The following TFEC variants were observed in gnomAD, a reference collection of about 807,000 sequenced individuals.
The protein encoded by TFEC is transcription factor EC.
A neutral mutation model predicts 41.6 loss-of-function variants in TFEC; 31 were observed. The ratio of observed to expected loss-of-function variants is 0.74; its 90% CI spans 0.56 to 1.01. TFEC has a LOEUF of 1.01. TFEC is among the 50% of genes least tolerant of loss of function. TFEC has a pLI of 0.00. For synonymous variants in TFEC, 143 were observed against 140.6 expected (o/e 1.02, Z -0.12); for missense variants, 402 against 404.1 (o/e 0.99, Z 0.04).
intron 2 of TFEC, among the ~76,000 whole-genome samples, chr7:115,975,886 G>A (rs1313966167): frequency 6.6e-6 from 1 of 152,134 alleles, no homozygotes; most frequent in African/African-American, 2.4e-5. Context: ...AGAGCAGAGT[G>A]CGCAAAGGCA....
intron 1 of TFEC, among the ~76,000 whole-genome samples, chr7:116,153,546 C>T (rs898802632): frequency 1.3e-5 from 2 of 152,126 alleles, no homozygotes; most frequent in African/African-American, 2.4e-5. Flanking sequence ...GCCACCGTGC[C>T]CAGCTGGCTA....
At chr7:115,948,192 T>A (rs1008426441) in intron 6 of TFEC, among the ~76,000 whole-genome samples, 1 of 151,720 alleles carries the variant, frequency 6.6e-6, no homozygotes, top group Admixed American at 6.6e-5. Flanking sequence ...GAGCTGAAAT[T>A]GTGGCAATAA....
intron 1 of TFEC, among the ~76,000 whole-genome samples, chr7:115,988,846 G>GA (rs371888260): frequency 3.3e-5 from 5 of 151,562 alleles, no homozygotes; most frequent in Admixed American, 1.3e-4. Flanking sequence ...AAAAACTCTG[G>GA]AAAAAAAATC....
intron 1 of TFEC, among the ~76,000 whole-genome samples, chr7:116,015,011 T>A (rs1363409337): frequency 6.6e-6 from 1 of 151,968 alleles, no homozygotes; most frequent in African/African-American, 2.4e-5. Context: ...GATAATAAAT[T>A]TGTGTTGTTT....
Position 116,048,802 on chromosome 7 carries a change from C to G in TFEC, c.198+61906G>C, listed in dbSNP as rs184836856. Reference sequence around the variant, plus strand: ...GATCTCTCAGCAGAAACTCTACAAGCCAGAAGAGAGTGGGGGCCAATATTC... The same window carrying G: ...GATCTCTCAGCAGAAACTCTACAAGGCAGAAGAGAGTGGGGGCCAATATTC... On this transcript the variant is annotated intron_variant, in intron 3 of 8. Transcript: ENST00000484212. 1.2e-3 allele frequency among the ~76,000 whole-genome samples: 176 copies of G among 152,298 alleles called. 1 individual carries two copies. Among genetic ancestry groups the G allele is most frequent in the African/African-American group, 4.0e-3 (168 of 41,568 alleles).
chr7:116,111,017 A>G, intron 2 of TFEC: 3 of 603,936 alleles, frequency 5.0e-6, no homozygotes, highest in South Asian at 9.9e-5. Context: ...AAATAAATTT[A>G]GTAAATGATA....
At chr7:116,005,462 C>A (rs1182702061) in intron 1 of TFEC, among the ~76,000 whole-genome samples, 1 of 152,122 alleles carries the variant, frequency 6.6e-6, no homozygotes, top group East Asian at 1.9e-4. Context: ...AAGAGACTGG[C>A]AGCATTTTGC....
intron 6 of TFEC, among the ~76,000 whole-genome samples, chr7:115,949,103 C>A (rs1200683031): frequency 3.3e-5 from 5 of 152,220 alleles, no homozygotes; most frequent in Admixed American, 3.3e-4. Context: ...TTCATAATTG[C>A]TTCAAAGAGA....
In TFEC at chr7:116,097,786, G is replaced by A. The variant is rs139853968; in HGVS notation, c.198+12922C>T. Among the ~76,000 whole-genome samples, 262 of 152,262 alleles carry A rather than the reference G, an allele frequency of 1.7e-3. 1 individual carries two copies. The highest frequency in any genetic ancestry group is 5.6e-3 in the African/African-American group (234 of 41,542). On this transcript the variant is annotated intron_variant, in intron 3 of 8. Transcript: ENST00000484212. ...ACTGTGAATAAAGGAAGATTATTGTGCTGTAATACCCAGAGCAACCACTAA... is the reference window on the plus strand; with the variant it reads ...ACTGTGAATAAAGGAAGATTATTGTACTGTAATACCCAGAGCAACCACTAA...
At chr7:116,082,333 G>C (rs1797109878) in intron 3 of TFEC, among the ~76,000 whole-genome samples, 1 of 151,922 alleles carries the variant, frequency 6.6e-6, no homozygotes, top group Admixed American at 6.6e-5. Context: ...TCAGAGATAG[G>C]AGGACCTTTT....
chr7:116,139,820 A>T (rs1408474748), intron 1 of TFEC, among the ~76,000 whole-genome samples: 1 of 152,174 alleles, frequency 6.6e-6, no homozygotes, highest in Non-Finnish European at 1.5e-5. Context: ...AAATCACCAG[A>T]TGATGGTATG....
chr7:116,049,243 A>G (rs951214718), intron 3 of TFEC, among the ~76,000 whole-genome samples: 4 of 152,194 alleles, frequency 2.6e-5, no homozygotes, highest in African/African-American at 7.2e-5. Flanking sequence ...CCCATCTCAC[A>G]TGCAGAGACA....
intron 5 of TFEC, among the ~76,000 whole-genome samples, chr7:115,953,919 A>C (rs1792081015): frequency 6.6e-6 from 1 of 152,096 alleles, no homozygotes; most frequent in East Asian, 1.9e-4. Context: ...CTCTGTTCTC[A>C]GTTTTTGATT....
rs187707045 is a variant in TFEC at position 115,983,774 on chromosome 7, T to C, written c.180+488A>G. 3.0e-3 allele frequency among the ~76,000 whole-genome samples: 464 copies of C among 152,252 alleles called. 4 individuals carry two copies. Among genetic ancestry groups the C allele is most frequent in the African/African-American group, 0.01 (426 of 41,558 alleles). On this transcript the variant is annotated intron_variant, in intron 2 of 7. Coordinates refer to ENST00000265440, the MANE Select transcript of TFEC (RefSeq NM_012252.4). ...AGCCAACTATTTATTAAAAATAGAA[T>C]TGAATGTATAGAAAAGCAAAAGTTA... is the stretch of plus-strand genomic sequence containing the variant.
chr7:115,941,642 CACATATATACACATATATGTGTATAT>C (rs1342937051), intron 7 of TFEC: 25 of 444,594 alleles, frequency 5.6e-5, no homozygotes, highest in South Asian at 1.3e-4. Context: ...CACACATACA[CACATATATACACATATATGTGTATAT>C]ACATATATAC....
chr7:115,955,552 C>T (rs1219759980), intron 4 of TFEC, among the ~76,000 whole-genome samples: 1 of 152,064 alleles, frequency 6.6e-6, no homozygotes, highest in Non-Finnish European at 1.5e-5. Context: ...GGTGTCTGTA[C>T]TTCTGGCTGA....
At chr7:116,090,704 A>G (rs1797306307) in intron 3 of TFEC, among the ~76,000 whole-genome samples, 1 of 152,126 alleles carries the variant, frequency 6.6e-6, no homozygotes, top group South Asian at 2.1e-4. Context: ...ATATTAGTTC[A>G]AGGTTGAAGT....
chr7:116,077,893 CAATT>C (rs912844788), intron 3 of TFEC, among the ~76,000 whole-genome samples: 7 of 151,640 alleles, frequency 4.6e-5, no homozygotes, highest in Admixed American at 3.3e-4. Context: ...AACAAAGAAA[CAATT>C]AACTTAAACT....
chr7:116,100,187 A>T (rs373227174), intron 3 of TFEC, among the ~76,000 whole-genome samples: 1 of 152,228 alleles, frequency 6.6e-6, no homozygotes, highest in Non-Finnish European at 1.5e-5. Context: ...CTTTATACAA[A>T]GAACCAAGCC....
Sources: gnomAD v4.1 joint callset for allele counts (sites outside exome capture counted in the v4.1 genomes callset) on GRCh38, gnomAD v4.1.1 for gene constraint, MANE v1.5 for transcripts, NCBI Gene and HGNC (gene_info 2026-07-23, HGNC 2026-07-21) for gene names.